The following INTS4 variants were observed in gnomAD, a reference collection of about 807,000 sequenced individuals.
INTS4 encodes the protein MSTP093.
INTS4 carries 70 observed loss-of-function variants against 119.5 expected under a neutral mutation model. That is an observed-to-expected ratio of 0.59 (90% CI 0.48 to 0.71). The LOEUF (loss-of-function observed/expected upper bound fraction) is 0.71. INTS4 is among the 30% of genes least tolerant of loss of function. The pLI, the probability that INTS4 is intolerant of heterozygous loss-of-function variation, is 0.00. For missense variants in INTS4, 867 were observed against 1,173.2 expected (o/e 0.74, Z 3.81); for synonymous variants, 316 against 419.6 (o/e 0.75, Z 3.02).
At chr11:77,963,417 T>C (rs1052612595) in intron 4 of INTS4, 7 of 421,436 alleles carry the variant, frequency 1.7e-5, no homozygotes, top group South Asian at 3.5e-5. Context: ...TAAAAACTTA[T>C]TAATTAAAAA....
chr11:77,898,803 T>C (rs1204804419), intron 18 of INTS4, among the ~76,000 whole-genome samples: 1 of 152,106 alleles, frequency 6.6e-6, no homozygotes, highest in African/African-American at 2.4e-5. Context: ...GTGGATCACT[T>C]GAGGCCAGGA....
At chr11:77,983,646 C>G (rs1375499841) in intron 2 of INTS4, among the ~76,000 whole-genome samples, 3 of 152,110 alleles carry the variant, frequency 2.0e-5, no homozygotes, top group Admixed American at 1.3e-4. Flanking sequence ...ATCTCATACT[C>G]GTTAAGATGG....
Position 77,947,523 on chromosome 11 carries a change from A to G in INTS4, c.919-6272T>C, listed in dbSNP as rs547913018. On this transcript the variant is annotated intron_variant, in intron 8 of 22. Transcript: ENST00000534064. Reference sequence around the variant, plus strand: ...AAGGTATTGAATGCTACAGCTAGAAACAAAAGGACAATAATCACTATCATA... The same window carrying G: ...AAGGTATTGAATGCTACAGCTAGAAGCAAAAGGACAATAATCACTATCATA... Among the ~76,000 whole-genome samples the G allele has an allele frequency of 2.6e-5, 4 of 152,368 alleles. No homozygotes were observed. In the East Asian group the frequency reaches 7.7e-4, roughly 29 times the overall value.
chr11:77,878,982 T>G lies in INTS4; in HGVS notation c.2859A>C (p.Lys953Asn). 6.2e-7 allele frequency: 1 copy of G among 1,614,080 alleles called. No individual in the cohort carries two copies. The change falls in exon 23 of 23, where the codon AAA (lysine) becomes AAC (asparagine). Residue 953 changes from lysine (K) to asparagine (N), a missense_variant. Lys to Asn is a moderately conservative substitution (Grantham distance 94). Around this residue, in one of 5 missense-constraint regions of INTS4, gnomAD observed 122 missense variants for 133.2 expected, o/e 0.92. Transcript: ENST00000534064. ...GTGCAGGTTTGGGCATTATATAAACTTTTACAGGCTTGCTGAAGGGAATGG... is the reference window on the plus strand; with the variant it reads ...GTGCAGGTTTGGGCATTATATAAACGTTTACAGGCTTGCTGAAGGGAATGG... ...EGTIPFSKPV[K>N]VYIMPKPARR is the part of the protein sequence containing the mutation.
At chr11:77,967,930 T>G (rs1296927492) in intron 4 of INTS4, among the ~76,000 whole-genome samples, 1 of 152,198 alleles carries the variant, frequency 6.6e-6, no homozygotes, top group Non-Finnish European at 1.5e-5. Context: ...GGTGATTTCA[T>G]CATTGTGCAA....
At chr11:77,990,979 C>T (rs1387699227) in intron 2 of INTS4, 129 bp downstream of exon 2, 1 of 741,532 alleles carries the variant, frequency 1.3e-6, no homozygotes, top group African/African-American at 1.8e-5. Context: ...ATCCATAGTA[C>T]CTAGCACTTG....
At chr11:77,883,210 G>A (rs534331087) in intron 22 of INTS4, among the ~76,000 whole-genome samples, 3 of 152,080 alleles carry the variant, frequency 2.0e-5, no homozygotes, top group Non-Finnish European at 4.4e-5. Flanking sequence ...CAGTAACAGT[G>A]CTCCTGAACC....
intron 21 of INTS4, chr11:77,884,812 T>C: frequency 2.4e-6 from 1 of 410,552 alleles, no homozygotes; most frequent in Non-Finnish European, 5.0e-6. Flanking sequence ...TGGAGTGCAG[T>C]GGCACGATCA....
At chr11:77,976,475 G>A (rs1250540320) in intron 4 of INTS4, among the ~76,000 whole-genome samples, 9 of 152,158 alleles carry the variant, frequency 5.9e-5, no homozygotes, top group Admixed American at 3.9e-4. Context: ...TTGAGCCCAG[G>A]AGTTCGAGAC....
intron 4 of INTS4, among the ~76,000 whole-genome samples, chr11:77,973,962 C>G (rs577222973): frequency 6.6e-6 from 1 of 152,268 alleles, no homozygotes; most frequent in South Asian, 2.1e-4. Flanking sequence ...TGGAAGTGTT[C>G]TCTCCTGTTC....
chr11:77,911,661 T>C (rs1415402128), intron 15 of INTS4, among the ~76,000 whole-genome samples: 1 of 152,240 alleles, frequency 6.6e-6, no homozygotes, highest in East Asian at 1.9e-4. Context: ...AAATCCTGTG[T>C]CCCAGTGTTA....
intron 9 of INTS4, among the ~76,000 whole-genome samples, chr11:77,940,746 C>T (rs1953911406): frequency 6.6e-6 from 1 of 151,992 alleles, no homozygotes; most frequent in Non-Finnish European, 1.5e-5. Context: ...CAAGTGATTC[C>T]CTGCCTCAGT....
chr11:77,960,309 A>G (rs1954436155), intron 6 of INTS4, 32 bp downstream of exon 6: 1 of 1,542,880 alleles, frequency 6.5e-7, no homozygotes, highest in Admixed American at 1.7e-5. Flanking sequence ...TGATACCTCC[A>G]ACCCCTTCCA....
chr11:77,923,238 A>G (rs1953407013), intron 12 of INTS4, among the ~76,000 whole-genome samples: 1 of 150,930 alleles, frequency 6.6e-6, no homozygotes, highest in African/African-American at 2.4e-5. Context: ...GAATCACTTG[A>G]ACCTGGAAGG....
chr11:77,906,687 A>C (rs547657072), intron 16 of INTS4, among the ~76,000 whole-genome samples: 2 of 152,358 alleles, frequency 1.3e-5, no homozygotes, highest in South Asian at 4.1e-4. Flanking sequence ...GCACCTTTAC[A>C]TGTATAGGCA....
intron 21 of INTS4, among the ~76,000 whole-genome samples, chr11:77,884,323 G>A (rs746766888): frequency 2.5e-4 from 38 of 152,186 alleles, no homozygotes; most frequent in Admixed American, 5.9e-4. Flanking sequence ...CCAACCACCA[G>A]TATTTGGAGT....
chr11:77,908,330 C>CTTT (rs762416286), intron 15 of INTS4, among the ~76,000 whole-genome samples: 2 of 139,644 alleles, frequency 1.4e-5, no homozygotes, highest in Admixed American at 7.2e-5. Flanking sequence ...CTGCATCCAT[C>CTTT]TTTTTTTTTT....
intron 21 of INTS4, 60 bp downstream of exon 21, chr11:77,891,259 A>G (rs1952249626): frequency 1.9e-6 from 3 of 1,547,580 alleles, no homozygotes; most frequent in African/African-American, 2.7e-5. Flanking sequence ...GGGTGCTAAC[A>G]TTAAATACTT....
intron 18 of INTS4, among the ~76,000 whole-genome samples, chr11:77,896,162 A>G (rs1304989605): frequency 6.6e-6 from 1 of 152,206 alleles, no homozygotes; most frequent in Non-Finnish European, 1.5e-5. Flanking sequence ...AAAGGATATT[A>G]CATTGACAAA....
Sources: allele counts gnomAD v4.1 joint callset (sites outside exome capture counted in the v4.1 genomes callset), GRCh38; gene constraint gnomAD v4.1.1; regional missense constraint gnomAD v4.1.1; transcripts MANE v1.5; gene names NCBI Gene and HGNC (gene_info 2026-07-23, HGNC 2026-07-21).